The following GABRG1 variants were observed in gnomAD, a reference collection of about 807,000 sequenced individuals.
The protein encoded by GABRG1 is gamma-aminobutyric acid receptor subunit gamma-1.
A neutral mutation model predicts 49.8 loss-of-function variants in GABRG1; 49 were observed. The ratio of observed to expected loss-of-function variants is 0.98; its 90% CI spans 0.78 to 1.25. GABRG1 has a LOEUF of 1.25. Ranked by LOEUF, GABRG1 falls within the 50% of genes most tolerant of loss-of-function variation. The pLI, the probability that GABRG1 is intolerant of heterozygous loss-of-function variation, is 0.00. For synonymous variants in GABRG1, 232 were observed against 185.1 expected (o/e 1.25, Z -2.06); for missense variants, 552 against 552.3 (o/e 1.00, Z 0.01).
chr4:46,044,139 A>T (rs1458009734), intron 8 of GABRG1, among the ~76,000 whole-genome samples: 1 of 152,024 alleles, frequency 6.6e-6, no homozygotes, highest in African/African-American at 2.4e-5. Context: ...TTAAGTTGGG[A>T]TGTTCAAAAA....
At chr4:46,122,531 G>T (rs945644855) in intron 1 of GABRG1, among the ~76,000 whole-genome samples, 1 of 151,512 alleles carries the variant, frequency 6.6e-6, no homozygotes, top group Non-Finnish European at 1.5e-5. Context: ...AGGGAACAGG[G>T]TTAAAAAAAA....
intron 1 of GABRG1, among the ~76,000 whole-genome samples, chr4:46,110,573 T>G (rs73146808): frequency 0.094 from 14,235 of 150,878 alleles, 1,672 homozygotes; most frequent in African/African-American, 0.28. Flanking sequence ...CAGGCAAATA[T>G]CCTTGATGAA....
At chr4:46,088,126 T>C (rs550276119) in intron 2 of GABRG1, among the ~76,000 whole-genome samples, 1 of 152,168 alleles carries the variant, frequency 6.6e-6, no homozygotes, top group Non-Finnish European at 1.5e-5. Flanking sequence ...TCACCAGTGG[T>C]TCTCAATGAG....
chr4:46,044,740 C>A (rs902726099), intron 8 of GABRG1, among the ~76,000 whole-genome samples: 3 of 152,022 alleles, frequency 2.0e-5, no homozygotes, highest in Non-Finnish European at 4.4e-5. Flanking sequence ...GCTAAATGTC[C>A]ACCTCCAGAT....
chr4:46,101,628 G>A (rs1440178934), intron 1 of GABRG1, among the ~76,000 whole-genome samples: 3 of 151,724 alleles, frequency 2.0e-5, no homozygotes, highest in African/African-American at 2.4e-5. Context: ...GATCTAGATG[G>A]TCTCATTTTC....
At chr4:46,095,104 A>T (rs1473130710) in intron 2 of GABRG1, among the ~76,000 whole-genome samples, 1 of 151,852 alleles carries the variant, frequency 6.6e-6, no homozygotes, top group Admixed American at 6.6e-5. Flanking sequence ...AAATTGGTTG[A>T]ACTTTAAAAA....
chr4:46,123,937 T>C lies in GABRG1; in HGVS notation c.-24A>G, dbSNP rs751167511. 11 of 1,554,982 alleles carry C rather than the reference T, an allele frequency of 7.1e-6. No individual in the cohort carries two copies. The highest frequency in any genetic ancestry group is 9.8e-6 in the Non-Finnish European group (11 of 1,127,218). ...ATCGGAATCGCTTTTTTACGTGTGCTGCACTAGCTCAATTCTCCCAGCCAG... is the reference window on the plus strand; with the variant it reads ...ATCGGAATCGCTTTTTTACGTGTGCCGCACTAGCTCAATTCTCCCAGCCAG... On this transcript the variant is annotated 5_prime_UTR_variant, in exon 1 of 9. Transcript: ENST00000295452.
In GABRG1 at chr4:46,083,992, A is replaced by G; in HGVS notation, c.315T>C (p.Ile105=). The G allele has an allele frequency of 6.5e-7, 1 of 1,541,806 alleles. No homozygotes were observed. The highest frequency in any genetic ancestry group is 8.9e-7 in the Non-Finnish European group (1 of 1,122,866). The change falls in exon 3 of 9, where the codon ATT becomes ATC. Residue 105 remains isoleucine (I), a synonymous_variant. Transcript: ENST00000295452. ...TTTAATATTTCTTACTTACCATATT[A>G]ATTGGATCAACTGGTCCAATGCTGT... ...YVNSIGPVDP[I]NMEYTIDIIF... is the part of the protein sequence containing the mutation.
chr4:46,047,101 C>A (rs528128135), intron 8 of GABRG1, among the ~76,000 whole-genome samples: 10 of 152,092 alleles, frequency 6.6e-5, no homozygotes, highest in African/African-American at 2.2e-4. Context: ...AATATGATAG[C>A]CGTAAGTCAC....
chr4:46,117,209 T>C (rs1202625635), intron 1 of GABRG1, among the ~76,000 whole-genome samples: 2 of 150,524 alleles, frequency 1.3e-5, no homozygotes, highest in African/African-American at 2.4e-5. Flanking sequence ...TCCTATATTC[T>C]AGCTATAGGT....
In GABRG1 at chr4:46,124,049, C is replaced by A. The variant is rs1439738431; in HGVS notation, c.-136G>T. The stretch of plus-strand genomic sequence containing the variant: ...GTGCACCTCCCAAACAGGTAGGATG[C>A]GACTCCCAGCAGAATTGAGCCAGGG... On this transcript the variant is annotated 5_prime_UTR_variant, in exon 1 of 9. Coordinates refer to ENST00000295452, the MANE Select transcript of GABRG1 (RefSeq NM_173536.4). 6.3e-6 allele frequency: 4 copies of A among 632,900 alleles called. No individual in the cohort carries two copies. The highest frequency in any genetic ancestry group is 3.7e-5 in the African/African-American group (2 of 54,220). The allele number at this position is 632,900 out of a possible 1,614,324, so 39.2% of individuals were successfully genotyped here.
chr4:46,105,269 G>A (rs1577666911), intron 1 of GABRG1, among the ~76,000 whole-genome samples: 1 of 151,254 alleles, frequency 6.6e-6, no homozygotes, highest in African/African-American at 2.4e-5. Context: ...AAACTGACTT[G>A]CGAAAGAAAA....
intron 1 of GABRG1, among the ~76,000 whole-genome samples, chr4:46,112,119 A>G (rs1366669372): frequency 1.3e-5 from 2 of 151,422 alleles, no homozygotes; most frequent in African/African-American, 4.8e-5. Flanking sequence ...TCTAGAATCC[A>G]CAGGGAACTT....
chr4:46,123,115 C>T (rs1036928696), intron 1 of GABRG1, among the ~76,000 whole-genome samples: 1 of 150,130 alleles, frequency 6.7e-6, no homozygotes. Context: ...CACACACACA[C>T]ACACACACAC....
chr4:46,097,135 T>C, intron 2 of GABRG1, 66 bp downstream of exon 2: 3 of 1,317,970 alleles, frequency 2.3e-6, no homozygotes, highest in Non-Finnish European at 3.1e-6. Context: ...AAATAATGAT[T>C]AAAATAGTAC....
rs1447482067 is a variant in GABRG1, at chr4:46,117,721, CATATACAT to C, written c.104+6081_104+6088del. 4.9e-5 allele frequency among the ~76,000 whole-genome samples: 7 copies of C among 141,564 alleles called. No individual in the cohort carries two copies. In the East Asian group the frequency reaches 1.2e-3, roughly 25 times the overall value. 92.9% of individuals were successfully genotyped at this position (141,564 alleles called of 152,430 possible). The stretch of plus-strand genomic sequence containing the variant: ...CTGTATATATACATACATGTATATA[CATATACAT>C]ATATACATATACACATATACATACA... On this transcript the variant is annotated intron_variant, in intron 1 of 8. Transcript: ENST00000295452.
intron 1 of GABRG1, among the ~76,000 whole-genome samples, chr4:46,117,053 T>C (rs1412807702): frequency 6.6e-6 from 1 of 150,628 alleles, no homozygotes; most frequent in Non-Finnish European, 1.5e-5. Context: ...TTAGTGATTG[T>C]TCTAGAAATC....
At chr4:46,111,621 C>T (rs1560374819) in intron 1 of GABRG1, among the ~76,000 whole-genome samples, 1 of 151,322 alleles carries the variant, frequency 6.6e-6, no homozygotes, top group Non-Finnish European at 1.5e-5. Context: ...ACCAAAACAG[C>T]ATGGTACTGG....
intron 2 of GABRG1, among the ~76,000 whole-genome samples, chr4:46,095,890 G>A (rs1577661612): frequency 1.3e-5 from 2 of 151,802 alleles, no homozygotes; most frequent in South Asian, 4.1e-4. Flanking sequence ...TCATTTCACA[G>A]GGGTTTTCCT....
Sources: gnomAD v4.1 joint callset for allele counts (sites outside exome capture counted in the v4.1 genomes callset) on GRCh38, gnomAD v4.1.1 for gene constraint, MANE v1.5 for transcripts, NCBI Gene and HGNC (gene_info 2026-07-23, HGNC 2026-07-21) for gene names.